Variants in FGGY observed in about 807,000 individuals in gnomAD.
The protein encoded by FGGY is FGGY carbohydrate kinase domain containing.
In FGGY, 72 loss-of-function variants were observed where a neutral mutation model predicts 71.3. The ratio of observed to expected loss-of-function variants is 1.01; its 90% confidence interval spans 0.84 to 1.23. The LOEUF (loss-of-function observed/expected upper bound fraction) is 1.23, where lower values mean the gene tolerates loss of function less well. FGGY is among the 50% of genes most tolerant of loss of function. The probability of loss-of-function intolerance (pLI) is 0.00; values close to 1 mark genes in which losing one functional copy is unlikely to be tolerated. For missense variants in FGGY, 668 were observed against 682.3 expected (o/e 0.98, Z 0.23); for synonymous variants, 251 against 250.3 (o/e 1.00, Z -0.02).
intron 14 of FGGY, among the ~76,000 whole-genome samples, chr1:59,681,433 GATT>G (rs2153987435): frequency 6.6e-6 from 1 of 152,216 alleles, no homozygotes; most frequent in East Asian, 1.9e-4. Context: ...AACTTTGAAG[GATT>G]ACAGAACTCT....
intron 8 of FGGY, among the ~76,000 whole-genome samples, chr1:59,593,595 G>A (rs905951129): frequency 1.6e-4 from 24 of 152,230 alleles, no homozygotes; most frequent in African/African-American, 4.3e-4. Context: ...TGCCAATCCA[G>A]CATTTGTGAT....
rs181388684 is a variant in FGGY, at chr1:59,616,178, A to G, written c.1011+8268A>G. Among the ~76,000 whole-genome samples the G allele has an allele frequency of 4.6e-5, 7 of 152,344 alleles. No individual in the cohort carries two copies. The East Asian group carries it at 7.7e-4, about 17-fold the overall frequency. The stretch of plus-strand genomic sequence containing the variant: ...TATAAATCATGCTGCTATTAGACAC[A>G]TGCACACGTATGTTTATTGTGGCAC... On this transcript the variant is annotated intron_variant, in intron 9 of 15. Coordinates refer to ENST00000303721, the MANE Select transcript of FGGY (RefSeq NM_018291.5).
Position 59,624,772 on chromosome 1 carries a change from C to T in FGGY, c.1012-1216C>T, listed in dbSNP as rs75350960. Among the ~76,000 whole-genome samples, 52 of 152,256 alleles carry T rather than the reference C, an allele frequency of 3.4e-4. No individual in the cohort carries two copies. In the East Asian group the frequency reaches 8.9e-3, roughly 26 times the overall value. ...CTACGAAACAGTATGGGGGAAACTG[C>T]GCCCATGATTCAGTTGTTTCCCACT... On this transcript the variant is annotated intron_variant, in intron 9 of 15. Coordinates refer to ENST00000303721, the MANE Select transcript of FGGY (RefSeq NM_018291.5).
chr1:59,669,583 C>G (rs1172784460), intron 13 of FGGY, among the ~76,000 whole-genome samples: 5 of 106,040 alleles, frequency 4.7e-5, no homozygotes, highest in Non-Finnish European at 6.9e-5. Context: ...TTGGTAGAGA[C>G]AGGGTTTCAC....
At chr1:59,641,492 G>A (rs1007534030) in intron 11 of FGGY, 18 of 656,558 alleles carry the variant, frequency 2.7e-5, no homozygotes, top group African/African-American at 3.7e-5. Flanking sequence ...TAAAAGTAGG[G>A]GAGGTAATTA....
At chr1:59,534,721 C>G (rs1217683374) in intron 7 of FGGY, among the ~76,000 whole-genome samples, 1 of 150,522 alleles carries the variant, frequency 6.6e-6, no homozygotes, top group African/African-American at 2.4e-5. Context: ...ATTTCATATC[C>G]AGCCAAACTA....
chr1:59,748,997 A>G (rs1357973976), intron 14 of FGGY, among the ~76,000 whole-genome samples: 5 of 152,210 alleles, frequency 3.3e-5, no homozygotes, highest in Non-Finnish European at 5.9e-5. Flanking sequence ...TGATTTACTC[A>G]ATTATACCTA....
At chr1:59,456,636 C>T (rs763893357) in intron 5 of FGGY, among the ~76,000 whole-genome samples, 41 of 152,004 alleles carry the variant, frequency 2.7e-4, no homozygotes, top group African/African-American at 8.2e-4. Flanking sequence ...TTAGTAGAGA[C>T]GGGGTTTGAC....
rs371653908 is a variant in FGGY, at chr1:59,667,453, T to C, written c.1417+50T>C. Reference sequence around the variant, plus strand: ...GGTCACTTTTTGGCTTGGCAGCAAATGGGCATGGCCAAGTTCTGGGTGAAG... The same window carrying C: ...GGTCACTTTTTGGCTTGGCAGCAAACGGGCATGGCCAAGTTCTGGGTGAAG... On this transcript the variant is annotated intron_variant, in intron 13 of 15. Coordinates refer to ENST00000303721, the MANE Select transcript of FGGY (RefSeq NM_018291.5). 6.2e-4 allele frequency: 990 copies of C among 1,603,692 alleles called. 2 individuals are homozygous for C. The highest frequency in any genetic ancestry group is 6.7e-4 in the Non-Finnish European group (792 of 1,174,402).
chr1:59,376,239 C>T (rs1334740517), intron 4 of FGGY, among the ~76,000 whole-genome samples: 1 of 152,172 alleles, frequency 6.6e-6, no homozygotes, highest in Non-Finnish European at 1.5e-5. Flanking sequence ...TTAACATTAA[C>T]ATCTTAGAAT....
At chr1:59,541,232 A>C (rs564815178) in intron 7 of FGGY, among the ~76,000 whole-genome samples, 2 of 152,172 alleles carry the variant, frequency 1.3e-5, no homozygotes, top group Non-Finnish European at 2.9e-5. Flanking sequence ...AGCCTCTTTC[A>C]TCTCTGCCTT....
At chr1:59,446,798 T>C (rs930808599) in intron 5 of FGGY, among the ~76,000 whole-genome samples, 1 of 152,208 alleles carries the variant, frequency 6.6e-6, no homozygotes, top group African/African-American at 2.4e-5. Context: ...GGTTCAGCCT[T>C]CCCTAAGCAG....
intron 4 of FGGY, among the ~76,000 whole-genome samples, chr1:59,372,124 G>C (rs990023662): frequency 2.0e-5 from 3 of 152,178 alleles, no homozygotes; most frequent in Non-Finnish European, 2.9e-5. Context: ...GAATCCAGGA[G>C]CTGGTTTTTT....
chr1:59,342,364 T>A (rs1002552537), intron 3 of FGGY, among the ~76,000 whole-genome samples: 14 of 152,210 alleles, frequency 9.2e-5, no homozygotes, highest in African/African-American at 2.4e-5. Flanking sequence ...TTGTTAAATT[T>A]GCTTAAATAT....
chr1:59,452,082 T>C (rs2072875488), intron 5 of FGGY, among the ~76,000 whole-genome samples: 1 of 134,310 alleles, frequency 7.4e-6, no homozygotes, highest in African/African-American at 3.6e-5. Flanking sequence ...GTTCTTTTCT[T>C]TTTTTTTTTT....
chr1:59,471,223 A>G (rs2092924861), intron 6 of FGGY, among the ~76,000 whole-genome samples: 1 of 152,102 alleles, frequency 6.6e-6, no homozygotes, highest in Non-Finnish European at 1.5e-5. Flanking sequence ...GTTGTTTGAT[A>G]AATGTTTGGC....
At chr1:59,307,102 C>T (rs1286895243) in intron 1 of FGGY, among the ~76,000 whole-genome samples, 1 of 151,932 alleles carries the variant, frequency 6.6e-6, no homozygotes, top group Non-Finnish European at 1.5e-5. Context: ...ATAGCTTGAG[C>T]CCAGGAATTC....
At chr1:59,623,035 A>G (rs1488854788) in intron 9 of FGGY, among the ~76,000 whole-genome samples, 1 of 152,168 alleles carries the variant, frequency 6.6e-6, no homozygotes, top group Non-Finnish European at 1.5e-5. Context: ...TCTTGCTTTG[A>G]AAGAGCTCAG....
chr1:59,699,558 C>A (rs1340841965), intron 14 of FGGY, among the ~76,000 whole-genome samples: 1 of 151,944 alleles, frequency 6.6e-6, no homozygotes, highest in East Asian at 1.9e-4. Flanking sequence ...GCAAATGGTA[C>A]CCTGGGCGAG....
Sources: gnomAD v4.1 joint callset for allele counts (sites outside exome capture counted in the v4.1 genomes callset) on GRCh38, gnomAD v4.1.1 for gene constraint, MANE v1.5 for transcripts, NCBI Gene and HGNC (gene_info 2026-07-23, HGNC 2026-07-21) for gene names.